The following CLK1 variants were observed in gnomAD, a reference collection of about 807,000 sequenced individuals.
CLK1 encodes the protein CDC like kinase 1.
CLK1 carries 40 observed loss-of-function variants against 60.9 expected under a neutral mutation model. The observed-to-expected ratio is 0.66, with a 90% CI of 0.51 to 0.86. CLK1 has a LOEUF of 0.86. CLK1 is among the 40% of genes least tolerant of loss of function. CLK1 has a pLI of 0.00. For synonymous variants in CLK1, 203 were observed against 184.4 expected (o/e 1.10, Z -0.82); for missense variants, 563 against 606.1 (o/e 0.93, Z 0.75).
In CLK1 at chr2:200,864,186, TCCGGCCACAGGGCCGAAG is replaced by T. The variant is rs752367012; in HGVS notation, c.-1+360_-1+377del. On this transcript the variant is annotated intron_variant, in intron 1 of 12. Transcript: ENST00000321356. ...CCCCCTCAACGGGGAGCCTCGCCTT[TCCGGCCACAGGGCCGAAG>T]CCGGCCTCCGCCCAGCCGCCATCTT... The T allele has an allele frequency of 3.0e-5, 46 of 1,550,884 alleles. No individual in the cohort carries two copies. The African/African-American group carries it at 6.2e-4, about 21-fold the overall frequency.
In CLK1 at chr2:200,853,145, A is replaced by G. The variant is rs1325120241; in HGVS notation, c.*161T>C. The G allele has an allele frequency of 6.1e-6, 3 of 491,996 alleles. No homozygotes were observed. The highest frequency in any genetic ancestry group is 1.1e-5 in the Non-Finnish European group (3 of 284,766). 30.5% of individuals were successfully genotyped at this position (491,996 alleles called of 1,614,324 possible). A position where few individuals can be genotyped will look rare whatever the true frequency, so the allele number is the denominator to read the frequency against. On this transcript the variant is annotated 3_prime_UTR_variant, in exon 13 of 13. Coordinates refer to ENST00000321356, the MANE Select transcript of CLK1 (RefSeq NM_004071.4). ...ACAATTACTGAAAAAGATGTTCATT[A>G]CCTTAGCTATGTACTTAATGAACCA...
chr2:200,857,936 C>T (rs762004247), intron 6 of CLK1, 37 bp downstream of exon 6: 74 of 1,611,184 alleles, frequency 4.6e-5, no homozygotes, highest in Non-Finnish European at 5.7e-5. Flanking sequence ...TTTAAATATA[C>T]CTGATACCAC....
In CLK1 at chr2:200,853,999, A is replaced by G. The variant is rs751175925; in HGVS notation, c.1221-6T>C. On this transcript the variant is annotated splice_region_variant and splice_polypyrimidine_tract_variant and intron_variant, in intron 11 of 12. Coordinates refer to ENST00000321356, the MANE Select transcript of CLK1 (RefSeq NM_004071.4). Reference sequence around the variant, plus strand: ...GGTGAAAATATTTACGTTTCCTAAAAATAAGTCAATATCCATTCATGTTTA... The same window carrying G: ...GGTGAAAATATTTACGTTTCCTAAAGATAAGTCAATATCCATTCATGTTTA... 2.1e-5 allele frequency: 34 copies of G among 1,590,998 alleles called. No homozygotes were observed. The African/African-American group carries it at 4.2e-4, about 20-fold the overall frequency.
chr2:200,855,818 G>A (rs1023430724), intron 9 of CLK1, among the ~76,000 whole-genome samples: 1 of 151,524 alleles, frequency 6.6e-6, no homozygotes, highest in African/African-American at 2.4e-5. Context: ...AGACCAGCCT[G>A]CCAACATGGT....
At position 200,854,989 on chromosome 2, in the gene CLK1, A is replaced by G; in HGVS notation, c.1140+15T>C. On this transcript the variant is annotated intron_variant, in intron 10 of 12. Coordinates refer to ENST00000321356, the MANE Select transcript of CLK1 (RefSeq NM_004071.4). Reference sequence around the variant, plus strand: ...CTTGTGCAAAGCAAGGTTGAAATAGATCATTGTCACTTACTGGAAATACGG... The same window carrying G: ...CTTGTGCAAAGCAAGGTTGAAATAGGTCATTGTCACTTACTGGAAATACGG... The G allele has an allele frequency of 1.3e-6, 2 of 1,593,018 alleles. No homozygotes were observed. The highest frequency in any genetic ancestry group is 2.3e-5 in the South Asian group (2 of 87,570).
rs766056257 is a variant in CLK1 at position 200,853,375 on chromosome 2, T to TGGATCATACTC, written c.1375_1385dup (p.Ala463SerfsTer14). 6.2e-7 allele frequency: 1 copy of TGGATCATACTC among 1,613,418 alleles called. No homozygotes were observed. Among genetic ancestry groups the TGGATCATACTC allele is most frequent in the South Asian group, 1.1e-5 (1 of 91,028 alleles). ...CTTCTCTGAGAGTAATTCTTTTGGC[T>TGGATCATACTC]GGATCATACTCCAACATTTTCTGAA... On this transcript the variant is annotated frameshift_variant, in exon 13 of 13. Transcript: ENST00000321356. LOFTEE classifies it high-confidence loss of function.
chr2:200,861,162 A>C, intron 3 of CLK1, 76 bp downstream of exon 3: 1 of 1,545,836 alleles, frequency 6.5e-7, no homozygotes, highest in Non-Finnish European at 8.7e-7. Flanking sequence ...TTCTCAAATA[A>C]TCAAACACAA....
At position 200,854,667 on chromosome 2, in the gene CLK1, A is replaced by G. The variant is rs2105734166; in HGVS notation, c.1169T>C (p.Met390Thr). The G allele has an allele frequency of 2.5e-6, 4 of 1,609,596 alleles. No homozygotes were observed. Among genetic ancestry groups the G allele is most frequent in the East Asian group, 2.2e-5 (1 of 44,842 alleles). ...TAGAGGTCCAAGAATCCTTTCCATC[A>G]TTGCTAAATGCTCCTTACTATCGTG... ...PTHDSKEHLA[M>T]MERILGPLPK... The change falls in exon 11 of 13, where the codon ATG (methionine) becomes ACG (threonine). Residue 390 changes from methionine to threonine, a missense_variant. By Grantham distance (81) the Met-to-Thr change is moderately conservative. This residue lies in a region of CLK1 where 360 missense variants were observed against 407.0 expected (regional missense o/e 0.88). Coordinates refer to ENST00000321356, the MANE Select transcript of CLK1 (RefSeq NM_004071.4).
At chr2:200,854,581 T>A (rs756829140) in intron 11 of CLK1, 35 bp downstream of exon 11, 1 of 1,257,006 alleles carries the variant, frequency 8.0e-7, no homozygotes, top group Non-Finnish European at 1.2e-6. Flanking sequence ...TGTGATCAAA[T>A]GATACTAAGG....
At chr2:200,862,101 C>CAA (rs145681104) in intron 1 of CLK1, among the ~76,000 whole-genome samples, 3,568 of 128,438 alleles carry the variant, frequency 0.028, 93 homozygotes, top group African/African-American at 0.076. Flanking sequence ...TGGAAGAATG[C>CAA]AAAAAAAAAA....
rs1166098127 is a variant in CLK1 at position 200,864,123 on chromosome 2, C to G, written c.-1+441G>C. 6 of 1,551,096 alleles carry G rather than the reference C, an allele frequency of 3.9e-6. No homozygotes were observed. In the East Asian group the frequency reaches 1.2e-4, roughly 32 times the overall value. ...TACTCCAGACAACGTTTCCCCACAG[C>G]TGCTTGGCTCACGCACATTCTGGAA... On this transcript the variant is annotated intron_variant, in intron 1 of 12. Coordinates refer to ENST00000321356, the MANE Select transcript of CLK1 (RefSeq NM_004071.4).
chr2:200,859,928 T>C, intron 4 of CLK1, 182 bp from the exon 5 acceptor site: 4 of 1,430,398 alleles, frequency 2.8e-6, no homozygotes, highest in Non-Finnish European at 3.7e-6. Flanking sequence ...ATTTGATTAC[T>C]GTTCTGGAAG....
At position 200,857,000 on chromosome 2, in the gene CLK1, A is replaced by T; in HGVS notation, c.833-15T>A. On this transcript the variant is annotated splice_polypyrimidine_tract_variant and intron_variant, in intron 7 of 12. Coordinates refer to ENST00000321356, the MANE Select transcript of CLK1 (RefSeq NM_004071.4). ...ACTGTGCAAAACTGAGAATAAAGAG[A>T]AAGTTGCTGTAATCAGAAAACACCA... 6.2e-7 allele frequency: 1 copy of T among 1,605,434 alleles called. No individual in the cohort carries two copies. The highest frequency in any genetic ancestry group is 1.7e-5 in the Admixed American group (1 of 59,896).
intron 9 of CLK1, among the ~76,000 whole-genome samples, chr2:200,855,608 G>C (rs1184064282): frequency 7.4e-6 from 1 of 136,048 alleles, no homozygotes; most frequent in African/African-American, 2.8e-5. Context: ...CTGGGTGACA[G>C]AGCAAGACTC....
chr2:200,855,284 T>C (rs2039019850), intron 9 of CLK1, among the ~76,000 whole-genome samples, 198 bp from the exon 10 acceptor site: 1 of 151,980 alleles, frequency 6.6e-6, no homozygotes, highest in East Asian at 1.9e-4. Context: ...AAGACCAGCC[T>C]GGGCAACACA....
At position 200,861,875 on chromosome 2, in the gene CLK1, C is replaced by T. The variant is rs1470584739; in HGVS notation, c.1-13G>A. On this transcript the variant is annotated splice_polypyrimidine_tract_variant and intron_variant, in intron 1 of 12. Transcript: ENST00000321356. ...TTGAGTGTCTCATCTACATAAAAGG[C>T]AAGTTTTTCCTAGTTAAATTGTACC... The T allele has an allele frequency of 6.2e-7, 1 of 1,612,500 alleles. No individual in the cohort carries two copies. Among genetic ancestry groups the T allele is most frequent in the Non-Finnish European group, 8.5e-7 (1 of 1,179,048 alleles).
rs1440284825 is a variant in CLK1, at chr2:200,853,321, C to A, written c.1440G>T (p.Leu480=). ...AATTACAGATCTATATACTTTTCTT[C>A]AGAAGGTCAAAGAAAGGATGCTTTA... ...EALKHPFFDL[L]KKSI is the part of the protein sequence containing the mutation. The change falls in exon 13 of 13, where the codon CTG becomes CTT. Residue 480 remains leucine, a synonymous_variant. Transcript: ENST00000321356. The A allele has an allele frequency of 8.1e-6, 13 of 1,610,452 alleles. No individual in the cohort carries two copies. Among genetic ancestry groups the A allele is most frequent in the Non-Finnish European group, 1.1e-5 (13 of 1,178,510 alleles).
At chr2:200,858,338 A>G (rs1019522907) in intron 5 of CLK1, among the ~76,000 whole-genome samples, 5 of 152,208 alleles carry the variant, frequency 3.3e-5, no homozygotes, top group Admixed American at 6.5e-5. Context: ...ACTGTCAAAC[A>G]TTATCTCAAA....
intron 7 of CLK1, chr2:200,857,243 T>C (rs750044143): frequency 5.3e-5 from 24 of 452,784 alleles, no homozygotes; most frequent in Non-Finnish European, 8.8e-5. Context: ...GAGGCAGAGT[T>C]TGCAGTGAGT....
Sources: allele counts gnomAD v4.1 joint callset (sites outside exome capture counted in the v4.1 genomes callset), GRCh38; gene constraint gnomAD v4.1.1; regional missense constraint gnomAD v4.1.1; transcripts MANE v1.5; gene names NCBI Gene and HGNC (gene_info 2026-07-23, HGNC 2026-07-21).